CHSY3: variants seen among roughly 807,000 people sequenced by gnomAD.
CHSY3 encodes chondroitin sulfate synthase 3.
CHSY3 carries 35 observed loss-of-function variants against 67.2 expected under a neutral mutation model. That is an observed-to-expected ratio of 0.52 (90% CI 0.40 to 0.69). The LOEUF is 0.69. Among genes scored for constraint, CHSY3 ranks in the 30% least tolerant of loss-of-function variants. The pLI is 0.00. For synonymous variants in CHSY3, 474 were observed against 434.7 expected, an observed-to-expected ratio of 1.09 and a Z score of -1.12; for missense variants, 1,069 against 1,138.5, an observed-to-expected ratio of 0.94 and a Z score of 0.88.
chr5:130,011,866 C>T (rs1764071618), intron 2 of CHSY3, among the ~76,000 whole-genome samples: 1 of 152,044 alleles, frequency 6.6e-6, no homozygotes, highest in Non-Finnish European at 1.5e-5. Flanking sequence ...TTCACAATAG[C>T]CACAAAAAGA....
intron 2 of CHSY3, among the ~76,000 whole-genome samples, chr5:130,154,997 A>C (rs1769331168): frequency 6.6e-6 from 1 of 152,138 alleles, no homozygotes; most frequent in African/African-American, 2.4e-5. Context: ...TTCGATGATG[A>C]CCATATTGAC....
intron 2 of CHSY3, among the ~76,000 whole-genome samples, chr5:130,123,997 G>A (rs75124522): frequency 0.048 from 5,895 of 123,140 alleles, 341 homozygotes; most frequent in East Asian, 0.29. Context: ...CCGAGATCTC[G>A]CCACTGCACT....
chr5:130,152,697 C>G (rs1769264782), intron 2 of CHSY3, among the ~76,000 whole-genome samples: 2 of 152,328 alleles, frequency 1.3e-5, no homozygotes, highest in South Asian at 4.1e-4. Flanking sequence ...AAGAGAATCA[C>G]AGCTGTTGTT....
rs147575380 is a variant in CHSY3 at position 130,044,001 on chromosome 5, C to CATA, written c.1086+135642_1086+135643insTAA. ...ATGTTAGACATCAATATGGAGATATCAGGCACACAGCCGAATGGAGTCTGA... is the reference window on the plus strand; with the variant it reads ...ATGTTAGACATCAATATGGAGATATCATAAGGCACACAGCCGAATGGAGTCTGA... On this transcript the variant is annotated intron_variant, in intron 2 of 2. Transcript: ENST00000305031. 8.2e-3 allele frequency among the ~76,000 whole-genome samples: 1,246 copies of CATA among 152,154 alleles called. 9 individuals carry two copies. The highest frequency in any genetic ancestry group is 0.029 in the African/African-American group (1,193 of 41,542).
chr5:130,030,017 C>A, intron 2 of CHSY3, among the ~76,000 whole-genome samples: 1 of 152,168 alleles, frequency 6.6e-6, no homozygotes. Context: ...TGCATCTGTC[C>A]TATACTTAAA....
chr5:130,147,560 C>G (rs1198575995), intron 2 of CHSY3, among the ~76,000 whole-genome samples: 1 of 152,106 alleles, frequency 6.6e-6, no homozygotes, highest in Non-Finnish European at 1.5e-5. Context: ...TTAGGCCATT[C>G]TTACATTGCT....
chr5:129,934,527 A>G (rs561621584), intron 2 of CHSY3, among the ~76,000 whole-genome samples: 3 of 152,252 alleles, frequency 2.0e-5, no homozygotes, highest in Non-Finnish European at 4.4e-5. Flanking sequence ...TTCTGTGATT[A>G]TGATAGCCTA....
chr5:130,060,307 C>A (rs765265737), intron 2 of CHSY3, among the ~76,000 whole-genome samples: 2 of 152,072 alleles, frequency 1.3e-5, no homozygotes, highest in African/African-American at 2.4e-5. Context: ...GCCGTACAAA[C>A]AAAAACCATA....
At chr5:130,054,380 A>T (rs1273473235) in intron 2 of CHSY3, among the ~76,000 whole-genome samples, 1 of 152,162 alleles carries the variant, frequency 6.6e-6, no homozygotes, top group Non-Finnish European at 1.5e-5. Context: ...AATATTTATT[A>T]GCTGCTTTTC....
chr5:129,953,462 T>C (rs907150217), intron 2 of CHSY3, among the ~76,000 whole-genome samples: 31 of 152,170 alleles, frequency 2.0e-4, no homozygotes, highest in African/African-American at 7.2e-4. Flanking sequence ...GTCTTTATAG[T>C]AGCATGATTT....
chr5:130,029,839 C>T (rs1001385373), intron 2 of CHSY3, among the ~76,000 whole-genome samples: 1 of 152,102 alleles, frequency 6.6e-6, no homozygotes, highest in Admixed American at 6.6e-5. Context: ...AACCCCCATC[C>T]CCACTCCATC....
chr5:129,983,695 C>T (rs1375874544), intron 2 of CHSY3, among the ~76,000 whole-genome samples: 3 of 151,980 alleles, frequency 2.0e-5, no homozygotes, highest in Non-Finnish European at 4.4e-5. Flanking sequence ...CAGGTACATA[C>T]AAACTCATTT....
At chr5:130,109,279 A>T (rs899463144) in intron 2 of CHSY3, among the ~76,000 whole-genome samples, 2 of 151,656 alleles carry the variant, frequency 1.3e-5, no homozygotes, top group Non-Finnish European at 3.0e-5. Context: ...ATTTTAAGAG[A>T]CATAGATTTC....
rs947018567 is a variant in CHSY3, at chr5:130,145,325, T to C, written c.1087-38904T>C. 5.3e-5 allele frequency among the ~76,000 whole-genome samples: 8 copies of C among 152,196 alleles called. No homozygotes were observed. The East Asian group carries it at 1.5e-3, about 29-fold the overall frequency. On this transcript the variant is annotated intron_variant, in intron 2 of 2. Transcript: ENST00000305031. The stretch of plus-strand genomic sequence containing the variant: ...ATGTCTAACTGATTTTTGACAAAGG[T>C]GCCAAGAACACAGTTAGGGAAGAGA...
chr5:130,151,901 A>C, intron 2 of CHSY3, among the ~76,000 whole-genome samples: 1 of 152,174 alleles, frequency 6.6e-6, no homozygotes, highest in East Asian at 1.9e-4. Context: ...AACAGGCAAA[A>C]TTCATCCCCT....
Position 129,904,681 on chromosome 5 carries a change from G to C in CHSY3, c.-149G>C, listed in dbSNP as rs958636600. The C allele has an allele frequency of 9.3e-6, 11 of 1,179,292 alleles. No individual in the cohort carries two copies. The African/African-American group carries it at 1.8e-4, about 19-fold the overall frequency. The allele number at this position is 1,179,292 out of a possible 1,614,324, so 73.1% of individuals were successfully genotyped here. On this transcript the variant is annotated 5_prime_UTR_variant, in exon 1 of 3. Coordinates refer to ENST00000305031, the MANE Select transcript of CHSY3 (RefSeq NM_175856.5). ...CCGCGGCAGTCGAGGCGTCCGCGGCGCTTCGACCTCCAGCCGGTGTCGGCG... is the reference window on the plus strand; with the variant it reads ...CCGCGGCAGTCGAGGCGTCCGCGGCCCTTCGACCTCCAGCCGGTGTCGGCG...
chr5:130,133,771 TAAAAAAAAAAAAAAAAAAAAAAAAG>T (rs1242626563), intron 2 of CHSY3, among the ~76,000 whole-genome samples: 5 of 58,118 alleles, frequency 8.6e-5, no homozygotes, highest in South Asian at 1.1e-3. Flanking sequence ...GACTCCGTCT[TAAAAAAAAAAAAAAAAAAAAAAAAG>T]AAAAAAAAAA....
At chr5:130,077,076 A>G (rs929981100) in intron 2 of CHSY3, among the ~76,000 whole-genome samples, 1 of 151,732 alleles carries the variant, frequency 6.6e-6, no homozygotes, top group Non-Finnish European at 1.5e-5. Flanking sequence ...GTGCACATGT[A>G]CCCTAAAACT....
chr5:129,952,043 C>CATT (rs1256163812), intron 2 of CHSY3, among the ~76,000 whole-genome samples: 8 of 152,116 alleles, frequency 5.3e-5, no homozygotes, highest in Non-Finnish European at 1.5e-5. Context: ...CTTACTACCA[C>CATT]ATTGGTATAG....
Sources: gnomAD v4.1 joint callset for allele counts (sites outside exome capture counted in the v4.1 genomes callset) on GRCh38, gnomAD v4.1.1 for gene constraint, MANE v1.5 for transcripts, NCBI Gene and HGNC (gene_info 2026-07-23, HGNC 2026-07-21) for gene names.